Variants in SUSD5 observed in about 807,000 individuals in gnomAD.
SUSD5 encodes sushi domain-containing protein 5.
SUSD5 carries 33 observed loss-of-function variants against 29.5 expected under a neutral mutation model. The ratio of observed to expected loss-of-function variants is 1.12; its 90% confidence interval spans 0.85 to 1.49. The LOEUF is 1.49. SUSD5 is among the 40% of genes most tolerant of loss of function. SUSD5 has a pLI of 0.00. For missense variants in SUSD5, 776 were observed against 800.6 expected (o/e 0.97, Z 0.37); for synonymous variants, 308 against 325.3 (o/e 0.95, Z 0.57).
intron 2 of SUSD5, among the ~76,000 whole-genome samples, chr3:33,212,414 A>G (rs1257031438): frequency 6.6e-6 from 1 of 152,232 alleles, no homozygotes; most frequent in Non-Finnish European, 1.5e-5. Context: ...AGCAGGTTTC[A>G]GCACTATTAG....
At chr3:33,192,177 G>A (rs1053248574) in intron 3 of SUSD5, among the ~76,000 whole-genome samples, 13 of 151,160 alleles carry the variant, frequency 8.6e-5, no homozygotes, top group Admixed American at 8.6e-4. Flanking sequence ...AGGTTCAAGC[G>A]ATTCTCCTGC....
At chr3:33,169,735 T>C (rs1256874913) in intron 4 of SUSD5, among the ~76,000 whole-genome samples, 1 of 152,150 alleles carries the variant, frequency 6.6e-6, no homozygotes, top group African/African-American at 2.4e-5. Context: ...AGCTGTACAT[T>C]TGCTGTTGGA....
At position 33,152,715 on chromosome 3, in the gene SUSD5, C is replaced by T. The variant is rs1222528060; in HGVS notation, c.*27G>A. On this transcript the variant is annotated 3_prime_UTR_variant, in exon 5 of 5. Transcript: ENST00000309558. ...TCACAGTTATTTTCCTCCCAAGTGG[C>T]TTTGGGAGAACCCACTCCAAAGGTG... 1 of 1,567,888 alleles carries T rather than the reference C, an allele frequency of 6.4e-7. No individual in the cohort carries two copies. The highest frequency in any genetic ancestry group is 2.2e-5 in the East Asian group (1 of 44,482).
chr3:33,155,814 A>G (rs2031037940), intron 4 of SUSD5, among the ~76,000 whole-genome samples: 1 of 152,220 alleles, frequency 6.6e-6, no homozygotes, highest in Admixed American at 6.5e-5. Flanking sequence ...TATAAAGTTT[A>G]AAAACAGGCA....
chr3:33,218,736 GC>G lies in SUSD5; in HGVS notation c.61del (p.Ala21ArgfsTer71). Reference protein sequence around the residue: ...RWHRRLPGLWAAALLLLGLPR... With the variant: ...RWHRRLPGLWXAALLLLGLPR... ...CAGACCGAGCAGGAGCAGCGCCGCC[GC>G]CCAGAGCCCGGGGAGGCGTCTGTGC... is the stretch of plus-strand genomic sequence containing the variant. On this transcript the variant is annotated frameshift_variant, in exon 1 of 5. Coordinates refer to ENST00000309558, the MANE Select transcript of SUSD5 (RefSeq NM_015551.2). LOFTEE classifies it high-confidence loss of function. 1 of 1,363,646 alleles carries G rather than the reference GC, an allele frequency of 7.3e-7. No individual in the cohort carries two copies. The highest frequency in any genetic ancestry group is 3.8e-5 in the Admixed American group (1 of 26,580). 84.5% of individuals were successfully genotyped at this position (1,363,646 alleles called of 1,614,324 possible).
At chr3:33,169,970 T>C (rs1027914386) in intron 4 of SUSD5, among the ~76,000 whole-genome samples, 19 of 151,894 alleles carry the variant, frequency 1.3e-4, no homozygotes, top group Non-Finnish European at 1.9e-4. Context: ...CAGGCTGCAG[T>C]GCAGTGGCAC....
intron 4 of SUSD5, among the ~76,000 whole-genome samples, chr3:33,156,329 G>A (rs1170342125): frequency 3.3e-5 from 5 of 152,046 alleles, no homozygotes; most frequent in African/African-American, 9.7e-5. Flanking sequence ...ATGAGTCACC[G>A]CGCCCGGCCC....
intron 3 of SUSD5, among the ~76,000 whole-genome samples, chr3:33,187,562 T>A (rs1438425026): frequency 6.6e-6 from 1 of 152,140 alleles, no homozygotes; most frequent in Non-Finnish European, 1.5e-5. Flanking sequence ...ATCTTGAACC[T>A]CACAAGGGAG....
At chr3:33,189,895 A>G (rs1327868464) in intron 3 of SUSD5, among the ~76,000 whole-genome samples, 1 of 152,232 alleles carries the variant, frequency 6.6e-6, no homozygotes, top group African/African-American at 2.4e-5. Flanking sequence ...AACCAGTTAT[A>G]TAAATCTATA....
intron 3 of SUSD5, among the ~76,000 whole-genome samples, chr3:33,183,031 G>A (rs908495392): frequency 7.3e-5 from 11 of 151,680 alleles, no homozygotes; most frequent in African/African-American, 1.7e-4. Flanking sequence ...TCCTGACCTC[G>A]TGATCCACCC....
intron 3 of SUSD5, among the ~76,000 whole-genome samples, chr3:33,185,091 G>A (rs1244307737): frequency 6.6e-6 from 1 of 152,190 alleles, no homozygotes; most frequent in Non-Finnish European, 1.5e-5. Context: ...CTAGGTCTCA[G>A]TCTTTTGTCA....
At chr3:33,186,270 C>G (rs1218267964) in intron 3 of SUSD5, among the ~76,000 whole-genome samples, 1 of 151,354 alleles carries the variant, frequency 6.6e-6, no homozygotes, top group Non-Finnish European at 1.5e-5. Context: ...CCACTGCACT[C>G]CAGCCTGGGT....
intron 3 of SUSD5, among the ~76,000 whole-genome samples, chr3:33,199,214 T>TCACACACACACACA (rs35522769): frequency 1.3e-4 from 19 of 147,994 alleles, no homozygotes; most frequent in African/African-American, 4.5e-4. Context: ...GGGGAGAATT[T>TCACACACACACACA]CACACACACA....
In SUSD5 at chr3:33,205,869, C is replaced by T. The variant is rs186391400; in HGVS notation, c.409+1939G>A. Reference sequence around the variant, plus strand: ...TTTGCAAAATTGTAAGCTAAATAAACAGTTGCTGTTTTAAGCCACTACATT... The same window carrying T: ...TTTGCAAAATTGTAAGCTAAATAAATAGTTGCTGTTTTAAGCCACTACATT... On this transcript the variant is annotated intron_variant, in intron 3 of 4. Transcript: ENST00000309558. Among the ~76,000 whole-genome samples, 1,073 of 152,342 alleles carry T rather than the reference C, an allele frequency of 7.0e-3. 3 individuals carry two copies. Among genetic ancestry groups the T allele is most frequent in the Non-Finnish European group, 0.011 (717 of 68,034 alleles).
intron 2 of SUSD5, among the ~76,000 whole-genome samples, chr3:33,208,849 T>C (rs373144030): frequency 2.1e-3 from 325 of 152,342 alleles, no homozygotes; most frequent in South Asian, 0.016. Flanking sequence ...CATTTTTTAG[T>C]ATCCAGTGTT....
At chr3:33,202,607 G>A (rs1193271609) in intron 3 of SUSD5, among the ~76,000 whole-genome samples, 1 of 152,042 alleles carries the variant, frequency 6.6e-6, no homozygotes, top group Non-Finnish European at 1.5e-5. Flanking sequence ...GGCAACAGAG[G>A]GTCAGAGGAA....
At chr3:33,200,703 G>A (rs2032100863) in intron 3 of SUSD5, among the ~76,000 whole-genome samples, 1 of 152,192 alleles carries the variant, frequency 6.6e-6, no homozygotes, top group South Asian at 2.1e-4. Flanking sequence ...AATGTTGGTA[G>A]GAACATGGAC....
rs1415377820 is a variant in SUSD5, at chr3:33,152,033, A to C, written c.*709T>G. The C allele has an allele frequency of 6.6e-6, 1 of 152,212 alleles. No homozygotes were observed. Among genetic ancestry groups the C allele is most frequent in the Admixed American group, 6.5e-5 (1 of 15,284 alleles). 9.4% of individuals were successfully genotyped at this position (152,212 alleles called of 1,614,324 possible). ...TCCATATTCCTCTCCCAATAATTCAATATCCATGTCCTAGATAATACTGCT... is the reference window on the plus strand; with the variant it reads ...TCCATATTCCTCTCCCAATAATTCACTATCCATGTCCTAGATAATACTGCT... On this transcript the variant is annotated 3_prime_UTR_variant, in exon 5 of 5. Coordinates refer to ENST00000309558, the MANE Select transcript of SUSD5 (RefSeq NM_015551.2).
At chr3:33,168,567 C>G (rs2031354948) in intron 4 of SUSD5, 1 of 985,350 alleles carries the variant, frequency 1.0e-6, no homozygotes, top group South Asian at 4.7e-5. Flanking sequence ...GCCCCGAGGC[C>G]TCGTTCTCCT....
Sources: gnomAD v4.1 joint callset for allele counts (sites outside exome capture counted in the v4.1 genomes callset) on GRCh38, gnomAD v4.1.1 for gene constraint, MANE v1.5 for transcripts, NCBI Gene and HGNC (gene_info 2026-07-23, HGNC 2026-07-21) for gene names.